Variants in RBFOX1 observed in about 807,000 individuals in gnomAD.
The protein encoded by RBFOX1 is RNA binding fox-1 homolog 1.
A neutral mutation model predicts 57.7 loss-of-function variants in RBFOX1; 8 were observed. The ratio of observed to expected loss-of-function variants is 0.14; its 90% confidence interval spans 0.08 to 0.25. The LOEUF is 0.25. Ranked by LOEUF, RBFOX1 falls within the 10% of genes least tolerant of loss-of-function variation. RBFOX1 has a pLI of 1.00. For missense variants in RBFOX1, 611 were observed against 548.5 expected (o/e 1.11, Z -1.14); for synonymous variants, 326 against 222.4 (o/e 1.47, Z -4.15).
chr16:5,384,757 G>C (rs1052530497), intron 1 of RBFOX1, among the ~76,000 whole-genome samples: 6 of 152,210 alleles, frequency 3.9e-5, no homozygotes, highest in African/African-American at 1.4e-4. Flanking sequence ...ATATGGACTA[G>C]AGACTCTAGG....
At chr16:7,182,397 A>C (rs79323206) in intron 4 of RBFOX1, among the ~76,000 whole-genome samples, 4,643 of 152,288 alleles carry the variant, frequency 0.03, 242 homozygotes, top group African/African-American at 0.11. Flanking sequence ...CCTCACATTG[A>C]AGCCTGATGA....
intron 4 of RBFOX1, among the ~76,000 whole-genome samples, chr16:5,908,070 G>GTGTGTGTGTGTATATATATATA (rs531475482): frequency 7.7e-6 from 1 of 129,058 alleles, no homozygotes; most frequent in African/African-American, 3.0e-5. Flanking sequence ...ATGTGTGTAT[G>GTGTGTGTGTGTATATATATATA]TATATATATA....
At position 7,703,582 on chromosome 16, in the gene RBFOX1, GAAAATTATGTT is replaced by G. The variant is rs1421917027; in HGVS notation, c.996-5469_996-5459del. Among the ~76,000 whole-genome samples, 16 of 152,262 alleles carry G rather than the reference GAAAATTATGTT, an allele frequency of 1.1e-4. No individual in the cohort carries two copies. The East Asian group carries it at 3.1e-3, about 29-fold the overall frequency. On this transcript the variant is annotated intron_variant, in intron 14 of 15. Transcript: ENST00000550418. ...TAGTGTTCTTACTGTGGCCCTATAA[GAAAATTATGTT>G]AAAACCCTGGTGTGGAGTACCAACA... is the stretch of plus-strand genomic sequence containing the variant.
At position 5,521,017 on chromosome 16, in the gene RBFOX1, G is replaced by A. The variant is rs1054466722; in HGVS notation, c.258+53763G>A. 3.3e-5 allele frequency among the ~76,000 whole-genome samples: 5 copies of A among 152,128 alleles called. No homozygotes were observed. In the South Asian group the frequency reaches 1.0e-3, roughly 31 times the overall value. The stretch of plus-strand genomic sequence containing the variant: ...TTGTTAAAGTCCATGGAGATTTGGG[G>A]GACATCTGTTAGGTTAATAGAGATT... On this transcript the variant is annotated intron_variant, in intron 2 of 2. Transcript: ENST00000585867.
At chr16:7,084,023 C>G (rs890383545) in intron 4 of RBFOX1, among the ~76,000 whole-genome samples, 3 of 152,132 alleles carry the variant, frequency 2.0e-5, no homozygotes, top group Non-Finnish European at 4.4e-5. Flanking sequence ...CCCTAACACT[C>G]TCCTGATCAT....
chr16:7,112,678 G>GTAT (rs61659515), intron 4 of RBFOX1, among the ~76,000 whole-genome samples: 1 of 148,934 alleles, frequency 6.7e-6, no homozygotes, highest in Non-Finnish European at 1.5e-5. Flanking sequence ...GTGTGTGTGT[G>GTAT]GGTGTGGGTG....
At chr16:7,065,310 G>A (rs1046365603) in intron 4 of RBFOX1, among the ~76,000 whole-genome samples, 1 of 152,112 alleles carries the variant, frequency 6.6e-6, no homozygotes, top group African/African-American at 2.4e-5. Context: ...ATGGAGCCGT[G>A]TAATCTGCTT....
chr16:7,208,842 G>C (rs2090521781), intron 4 of RBFOX1, among the ~76,000 whole-genome samples: 2 of 152,018 alleles, frequency 1.3e-5, no homozygotes, highest in Admixed American at 1.3e-4. Context: ...GTGTCTGTAA[G>C]CAAACAGATA....
chr16:6,174,704 C>G (rs2096990119), intron 1 of RBFOX1, among the ~76,000 whole-genome samples: 1 of 151,658 alleles, frequency 6.6e-6, no homozygotes, highest in South Asian at 2.1e-4. Context: ...TCATTCTTTT[C>G]AAGACATGAT....
intron 2 of RBFOX1, among the ~76,000 whole-genome samples, chr16:6,604,598 C>G (rs1014019922): frequency 6.6e-6 from 1 of 152,160 alleles, no homozygotes; most frequent in Non-Finnish European, 1.5e-5. Flanking sequence ...TGGTGGCAAG[C>G]TCTTAATTAC....
chr16:5,653,858 C>G (rs1246216474), intron 3 of RBFOX1, among the ~76,000 whole-genome samples: 1 of 152,158 alleles, frequency 6.6e-6, no homozygotes, highest in Non-Finnish European at 1.5e-5. Context: ...GCAAACTCAG[C>G]CAAGACCAGT....
At chr16:6,927,328 G>A (rs765698155) in intron 3 of RBFOX1, among the ~76,000 whole-genome samples, 14 of 146,260 alleles carry the variant, frequency 9.6e-5, no homozygotes, top group African/African-American at 2.0e-4. Context: ...CACGAGAATC[G>A]CTGGAACCCG....
rs997667772 is a variant in RBFOX1, at chr16:5,369,076, A to T, written c.220-98140A>T. 5.3e-5 allele frequency among the ~76,000 whole-genome samples: 8 copies of T among 152,138 alleles called. 1 individual carries two copies. The highest frequency in any genetic ancestry group is 1.7e-4 in the African/African-American group (7 of 41,448). Reference sequence around the variant, plus strand: ...GAGTGCAGTGGCGCCATCTTGGTTCACTGCAGCTTCTGTCCCCTGGGTTCA... The same window carrying T: ...GAGTGCAGTGGCGCCATCTTGGTTCTCTGCAGCTTCTGTCCCCTGGGTTCA... On this transcript the variant is annotated intron_variant, in intron 1 of 2. Transcript: ENST00000585867.
chr16:7,365,800 C>G (rs1377396840), intron 4 of RBFOX1, among the ~76,000 whole-genome samples: 1 of 152,292 alleles, frequency 6.6e-6, no homozygotes. Flanking sequence ...AGTGATGACT[C>G]AACAGGGAAG....
chr16:5,980,846 C>T (rs190405878), intron 4 of RBFOX1, among the ~76,000 whole-genome samples: 5 of 119,574 alleles, frequency 4.2e-5, no homozygotes, highest in African/African-American at 1.2e-4. Context: ...GACACTTTGT[C>T]GGGCAACGCT....
At chr16:7,682,229 C>A (rs565346217) in intron 14 of RBFOX1, among the ~76,000 whole-genome samples, 1 of 152,144 alleles carries the variant, frequency 6.6e-6, no homozygotes, top group South Asian at 2.1e-4. Flanking sequence ...TTATGCTAGA[C>A]TCTGTATCAT....
intron 3 of RBFOX1, among the ~76,000 whole-genome samples, chr16:6,967,960 C>T (rs115794932): frequency 7.2e-5 from 11 of 152,240 alleles, no homozygotes; most frequent in South Asian, 2.1e-4. Context: ...TAAAAACGCT[C>T]GGGGAGAGAG....
At chr16:6,558,765 C>T (rs937198169) in intron 2 of RBFOX1, among the ~76,000 whole-genome samples, 4 of 151,712 alleles carry the variant, frequency 2.6e-5, no homozygotes, top group African/African-American at 9.7e-5. Flanking sequence ...GATTAACATG[C>T]TTCCCCCACC....
chr16:7,105,836 G>A (rs1255068995), intron 4 of RBFOX1, among the ~76,000 whole-genome samples: 1 of 152,092 alleles, frequency 6.6e-6, no homozygotes, highest in Non-Finnish European at 1.5e-5. Context: ...TCATTTGATT[G>A]ATGGGCATTT....
Sources: allele counts gnomAD v4.1 joint callset (sites outside exome capture counted in the v4.1 genomes callset), GRCh38; gene constraint gnomAD v4.1.1; transcripts MANE v1.5; gene names NCBI Gene and HGNC (gene_info 2026-07-23, HGNC 2026-07-21).